DLGAP2: variants seen among roughly 807,000 people sequenced by gnomAD.
DLGAP2 encodes the protein disks large-associated protein 2.
DLGAP2 carries 26 observed loss-of-function variants against 100.3 expected under a neutral mutation model. The ratio of observed to expected loss-of-function variants is 0.26; its 90% confidence interval spans 0.19 to 0.36. The LOEUF is 0.36. Ranked by LOEUF, DLGAP2 falls within the 10% of genes least tolerant of loss-of-function variation. The probability of loss-of-function intolerance (pLI) is 1.00; values close to 1 mark genes in which losing one functional copy is unlikely to be tolerated. For synonymous variants in DLGAP2, 886 were observed against 630.1 expected, an observed-to-expected ratio of 1.41 and a Z score of -6.08; for missense variants, 1,858 against 1,453.2, an observed-to-expected ratio of 1.28 and a Z score of -4.53.
At chr8:1,240,958 C>A (rs1276005389) in intron 2 of DLGAP2, among the ~76,000 whole-genome samples, 1 of 9,058 alleles carries the variant, frequency 1.1e-4, no homozygotes. Context: ...GTCTAGTTCT[C>A]TTACATGGCG....
At chr8:1,546,880 G>T (rs1801557569) in intron 4 of DLGAP2, among the ~76,000 whole-genome samples, 1 of 152,116 alleles carries the variant, frequency 6.6e-6, no homozygotes, top group Non-Finnish European at 1.5e-5. Context: ...GCATGGAGGT[G>T]GTCCAGGAGA....
intron 3 of DLGAP2, among the ~76,000 whole-genome samples, chr8:1,314,510 T>C (rs940340172): frequency 6.6e-6 from 1 of 152,224 alleles, no homozygotes; most frequent in Non-Finnish European, 1.5e-5. Flanking sequence ...AATAACACTT[T>C]TAACATGTCA....
intron 2 of DLGAP2, among the ~76,000 whole-genome samples, chr8:1,253,941 A>G (rs1799110837): frequency 6.6e-6 from 1 of 152,172 alleles, no homozygotes; most frequent in African/African-American, 2.4e-5. Context: ...ATGAAGATGA[A>G]CTGTGGGGAA....
chr8:1,376,467 G>C (rs1563114373), intron 3 of DLGAP2, among the ~76,000 whole-genome samples: 1 of 152,274 alleles, frequency 6.6e-6, no homozygotes, highest in African/African-American at 2.4e-5. Context: ...AAGCTGGGCT[G>C]ACCTGCGCTT....
At chr8:775,856 T>C (rs1279258191) in intron 1 of DLGAP2, among the ~76,000 whole-genome samples, 1 of 147,316 alleles carries the variant, frequency 6.8e-6, no homozygotes, top group African/African-American at 2.5e-5. Flanking sequence ...AGAATGATGC[T>C]GGCCTCATAA....
intron 2 of DLGAP2, among the ~76,000 whole-genome samples, chr8:1,031,012 T>C (rs1801955933): frequency 6.6e-6 from 1 of 152,252 alleles, no homozygotes; most frequent in Non-Finnish European, 1.5e-5. Flanking sequence ...TAATATTTTT[T>C]AGAAAAGGTT....
intron 2 of DLGAP2, among the ~76,000 whole-genome samples, chr8:956,307 C>G (rs1175412358): frequency 1.3e-5 from 2 of 152,176 alleles, no homozygotes; most frequent in Non-Finnish European, 2.9e-5. Flanking sequence ...AGCTGCTTGG[C>G]AAGGCCAGGC....
chr8:1,436,312 A>T (rs985286861), intron 3 of DLGAP2, among the ~76,000 whole-genome samples: 1 of 152,318 alleles, frequency 6.6e-6, no homozygotes, highest in African/African-American at 2.4e-5. Flanking sequence ...AAGAACTTGG[A>T]GTCTGATGTT....
At chr8:879,298 C>T (rs1010524099) in intron 1 of DLGAP2, among the ~76,000 whole-genome samples, 12 of 152,252 alleles carry the variant, frequency 7.9e-5, no homozygotes, top group African/African-American at 2.4e-4. Context: ...GACCATTCCC[C>T]GGAGAAGAAA....
intron 3 of DLGAP2, among the ~76,000 whole-genome samples, chr8:1,440,658 C>A (rs1194125275): frequency 1.3e-5 from 2 of 152,240 alleles, no homozygotes; most frequent in Non-Finnish European, 2.9e-5. Context: ...TAGTGACCGG[C>A]TGAGCGTGGA....
intron 2 of DLGAP2, among the ~76,000 whole-genome samples, chr8:911,354 G>A (rs983691157): frequency 4.6e-5 from 7 of 152,004 alleles, no homozygotes; most frequent in Admixed American, 6.6e-5. Flanking sequence ...ACGTACATTG[G>A]GAGGATATGT....
At chr8:1,521,844 G>T (rs1470679391) in intron 4 of DLGAP2, among the ~76,000 whole-genome samples, 1 of 147,138 alleles carries the variant, frequency 6.8e-6, no homozygotes, top group Non-Finnish European at 1.5e-5. Flanking sequence ...GAATACTCGG[G>T]GGCAGGTGAT....
intron 12 of DLGAP2, among the ~76,000 whole-genome samples, chr8:1,679,460 C>T (rs1414492232): frequency 6.7e-6 from 1 of 149,390 alleles, no homozygotes; most frequent in South Asian, 2.2e-4. Context: ...CACCAAAGGT[C>T]TCACTCCTGG....
At chr8:1,365,297 C>T (rs961727429) in intron 3 of DLGAP2, among the ~76,000 whole-genome samples, 4 of 152,162 alleles carry the variant, frequency 2.6e-5, no homozygotes, top group Non-Finnish European at 5.9e-5. Context: ...GGTGCTGAGC[C>T]TGGGATCTCC....
intron 3 of DLGAP2, among the ~76,000 whole-genome samples, chr8:1,416,994 G>T (rs1004420518): frequency 4.0e-5 from 6 of 148,664 alleles, no homozygotes; most frequent in Middle Eastern, 3.2e-3. Flanking sequence ...TCAGAGTCCA[G>T]GGCTCAGGGG....
chr8:1,377,268 A>C (rs555283772), intron 3 of DLGAP2, among the ~76,000 whole-genome samples: 1 of 152,154 alleles, frequency 6.6e-6, no homozygotes, highest in South Asian at 2.1e-4. Flanking sequence ...TCTTCGGCCG[A>C]GCGCAGTGGC....
chr8:930,295 T>G lies in DLGAP2; in HGVS notation c.73+22329T>G, dbSNP rs555089122. 1.0e-3 allele frequency among the ~76,000 whole-genome samples: 154 copies of G among 152,354 alleles called. 1 individual carries two copies. Among genetic ancestry groups the G allele is most frequent in the Admixed American group, 2.4e-3 (37 of 15,302 alleles). On this transcript the variant is annotated intron_variant, in intron 2 of 14. Coordinates refer to ENST00000637795, the MANE Select transcript of DLGAP2 (RefSeq NM_001346810.2). ...TCATGGAATCAGTGCACGATCCACC[T>G]GCTCTGCCGGCCACCAGCGTTTAAA...
intron 5 of DLGAP2, among the ~76,000 whole-genome samples, chr8:1,553,386 G>A (rs1262412632): frequency 6.6e-6 from 1 of 152,170 alleles, no homozygotes; most frequent in Non-Finnish European, 1.5e-5. Flanking sequence ...GTTTTATTCG[G>A]CATGTTCACG....
rs1245169095 is a variant in DLGAP2, at chr8:1,708,218, G to A, written c.*6812G>A. The stretch of plus-strand genomic sequence containing the variant: ...AAATAGTTTGGCAATTAAATTTTTT[G>A]AGAAAAGTAATGTTTACTTTTTTAT... On this transcript the variant is annotated 3_prime_UTR_variant, in exon 15 of 15. Coordinates refer to ENST00000637795, the MANE Select transcript of DLGAP2 (RefSeq NM_001346810.2). 1 of 152,092 alleles carries A rather than the reference G, an allele frequency of 6.6e-6. No individual in the cohort carries two copies. The highest frequency in any genetic ancestry group is 1.5e-5 in the Non-Finnish European group (1 of 68,030). 9.4% of individuals were successfully genotyped at this position (152,092 alleles called of 1,614,324 possible).
Sources: allele counts gnomAD v4.1 joint callset (sites outside exome capture counted in the v4.1 genomes callset), GRCh38; gene constraint gnomAD v4.1.1; transcripts MANE v1.5; gene names NCBI Gene and HGNC (gene_info 2026-07-23, HGNC 2026-07-21).